ARHGEF16: variants seen among roughly 807,000 people sequenced by gnomAD.
The protein encoded by ARHGEF16 is Rho guanine nucleotide exchange factor 16.
ARHGEF16 carries 59 observed loss-of-function variants against 74.1 expected under a neutral mutation model. The ratio of observed to expected loss-of-function variants is 0.80; its 90% CI spans 0.65 to 0.99. ARHGEF16 has a LOEUF of 0.99. Among genes scored for constraint, ARHGEF16 ranks in the 50% least tolerant of loss-of-function variants. The pLI is 0.00. For synonymous variants in ARHGEF16, 415 were observed against 412.6 expected (o/e 1.01, Z -0.07); for missense variants, 948 against 986.6 (o/e 0.96, Z 0.52).
At chr1:3,462,487 T>G (rs992269873) in intron 1 of ARHGEF16, among the ~76,000 whole-genome samples, 3 of 152,102 alleles carry the variant, frequency 2.0e-5, no homozygotes, top group Non-Finnish European at 4.4e-5. Flanking sequence ...CTGGCTCAGG[T>G]GCCTGGAAGA....
chr1:3,463,525 G>C lies in ARHGEF16; in HGVS notation c.441G>C (p.Arg147=). The change falls in exon 2 of 15, where the codon CGG becomes CGC. Residue 147 remains arginine (R), a synonymous_variant. Transcript: ENST00000378378. ...AGGACCCCGGGGGCATGCTGAGGCG[G>C]AACCTGCGGAACCAATCCTACCGGG... ...VDKDPGGMLR[R]NLRNQSYRAA... 1 of 1,472,856 alleles carries C rather than the reference G, an allele frequency of 6.8e-7. No individual in the cohort carries two copies. The highest frequency in any genetic ancestry group is 9.0e-7 in the Non-Finnish European group (1 of 1,109,288). 91.2% of individuals were successfully genotyped at this position (1,472,856 alleles called of 1,614,324 possible).
At chr1:3,472,337 T>C (rs542776187) in intron 6 of ARHGEF16, among the ~76,000 whole-genome samples, 3 of 152,150 alleles carry the variant, frequency 2.0e-5, no homozygotes, top group Non-Finnish European at 2.9e-5. Context: ...TCTGACCAAG[T>C]GTTAACTCCC....
rs1640040251 is a variant in ARHGEF16 at position 3,480,878 on chromosome 1, C to G, written c.*291C>G. 1 of 502,184 alleles carries G rather than the reference C, an allele frequency of 2.0e-6. No individual in the cohort carries two copies. The highest frequency in any genetic ancestry group is 3.6e-6 in the Non-Finnish European group (1 of 280,724). The allele number at this position is 502,184 out of a possible 1,614,324, so 31.1% of individuals were successfully genotyped here. A position where few individuals can be genotyped will look rare whatever the true frequency, so the allele number is the denominator to read the frequency against. ...TCAGCTGCTGGGCCCCACCTCCCCA[C>G]TGCACCCAGGGGGCAACTCCACCTG... On this transcript the variant is annotated 3_prime_UTR_variant, in exon 15 of 15. Transcript: ENST00000378378.
In ARHGEF16 at chr1:3,477,339, T is replaced by C. The variant is rs367670066; in HGVS notation, c.1474-536T>C. Among the ~76,000 whole-genome samples the C allele has an allele frequency of 0.01, 15 of 1,438 alleles. No individual in the cohort carries two copies. In the South Asian group the frequency reaches 0.15, roughly 14 times the overall value. The allele number at this position is 1,438 out of a possible 152,430, so 0.9% of individuals were successfully genotyped here. A position where few individuals can be genotyped will look rare whatever the true frequency, so the allele number is the denominator to read the frequency against. On this transcript the variant is annotated intron_variant, in intron 10 of 14. Transcript: ENST00000378378. ...ACTACCCACCCCATCACCCCCACAC[T>C]GCCCACCCTCTGGCCTTTGCCATCC... is the stretch of plus-strand genomic sequence containing the variant.
In ARHGEF16 at chr1:3,467,115, C is replaced by G. The variant is rs1023637266; in HGVS notation, c.635-53C>G. ...ACTCAGCTGGCGGGTTGCAGGGAGG[C>G]GCAGCCTTTTGCAATCCCCCAGGGC... On this transcript the variant is annotated intron_variant, in intron 3 of 14. Coordinates refer to ENST00000378378, the MANE Select transcript of ARHGEF16 (RefSeq NM_014448.4). The G allele has an allele frequency of 1.3e-5, 19 of 1,507,802 alleles. No individual in the cohort carries two copies. In the Admixed American group the frequency reaches 3.9e-4, roughly 31 times the overall value. 93.4% of individuals were successfully genotyped at this position (1,507,802 alleles called of 1,614,324 possible).
chr1:3,462,713 T>C lies in ARHGEF16; in HGVS notation c.-19-353T>C, dbSNP rs994138542. ...CCACCTGCCTCCAGGCTCAGGAATG[T>C]GTCCTCAGTGCGTGCTGCCCATCAG... On this transcript the variant is annotated intron_variant, in intron 1 of 14. Transcript: ENST00000378378. Among the ~76,000 whole-genome samples the C allele has an allele frequency of 2.0e-4, 31 of 152,334 alleles. 1 individual carries two copies. The highest frequency in any genetic ancestry group is 7.5e-4 in the African/African-American group (31 of 41,578).
intron 6 of ARHGEF16, among the ~76,000 whole-genome samples, chr1:3,470,221 C>A (rs1362597227): frequency 6.7e-6 from 1 of 149,272 alleles, no homozygotes; most frequent in Non-Finnish European, 1.5e-5. Flanking sequence ...TCGGGAGCAT[C>A]CAGCACCCTG....
chr1:3,463,935 G>A (rs1639473589), intron 2 of ARHGEF16, among the ~76,000 whole-genome samples: 1 of 152,244 alleles, frequency 6.6e-6, no homozygotes, highest in African/African-American at 2.4e-5. Flanking sequence ...TCCCAGCCTT[G>A]GTGGAGGGCA....
At position 3,478,406 on chromosome 1, in the gene ARHGEF16, C is replaced by T. The variant is rs1238044209; in HGVS notation, c.1626-18C>T. 3.8e-6 allele frequency: 6 copies of T among 1,576,248 alleles called. No individual in the cohort carries two copies. Among genetic ancestry groups the T allele is most frequent in the Non-Finnish European group, 5.2e-6 (6 of 1,155,816 alleles). ...GAGCTGGGTGGGACCGTCCCACCGA[C>T]TGCCCGTGTCTCCACAGCGAGGAGA... On this transcript the variant is annotated intron_variant, in intron 11 of 14. Transcript: ENST00000378378.
intron 1 of ARHGEF16, among the ~76,000 whole-genome samples, chr1:3,460,800 C>G (rs1639375495): frequency 6.6e-6 from 1 of 152,158 alleles, no homozygotes; most frequent in African/African-American, 2.4e-5. Flanking sequence ...TTGGAATGTC[C>G]TGAGGAATGT....
chr1:3,469,607 A>G lies in ARHGEF16; in HGVS notation c.1022+14A>G, dbSNP rs746438801. The G allele has an allele frequency of 1.1e-5, 17 of 1,612,234 alleles. No homozygotes were observed. The highest frequency in any genetic ancestry group is 1.4e-5 in the Non-Finnish European group (17 of 1,179,844). ...TGCCAGTCAGAGGTGAGGCCACGCC[A>G]CAGCCTTCCACACAGGGTCCTCTGC... On this transcript the variant is annotated intron_variant, in intron 6 of 14. Transcript: ENST00000378378.
At chr1:3,466,737 G>C (rs531799667) in intron 3 of ARHGEF16, among the ~76,000 whole-genome samples, 12 of 152,320 alleles carry the variant, frequency 7.9e-5, no homozygotes, top group Middle Eastern at 3.4e-3. Flanking sequence ...GAAGCCCGGG[G>C]AGGGCTAAGG....
At chr1:3,472,875 T>TGCCCC in intron 6 of ARHGEF16, 1 of 295,600 alleles carries the variant, frequency 3.4e-6, no homozygotes, top group Non-Finnish European at 6.6e-6. Context: ...TCTGACCACT[T>TGCCCC]CCCACCCGCC....
In ARHGEF16 at chr1:3,464,155, A is replaced by T. The variant is rs577683794; in HGVS notation, c.588+483A>T. Among the ~76,000 whole-genome samples, 3 of 151,938 alleles carry T rather than the reference A, an allele frequency of 2.0e-5. No homozygotes were observed. The East Asian group carries it at 5.8e-4, about 30-fold the overall frequency. Reference sequence around the variant, plus strand: ...GGAGAAGTCTGCACATTCCCTCTGTACACAGAGCCCTGCTTCCCTGCCTGC... The same window carrying T: ...GGAGAAGTCTGCACATTCCCTCTGTTCACAGAGCCCTGCTTCCCTGCCTGC... On this transcript the variant is annotated intron_variant, in intron 2 of 14. Transcript: ENST00000378378.
At chr1:3,465,076 G>T (rs1639504270) in intron 2 of ARHGEF16, among the ~76,000 whole-genome samples, 1 of 152,254 alleles carries the variant, frequency 6.6e-6, no homozygotes, top group African/African-American at 2.4e-5. Flanking sequence ...CTGCACCCCA[G>T]CAGCTGGAAG....
intron 1 of ARHGEF16, among the ~76,000 whole-genome samples, chr1:3,460,934 TGAGCAGGGACA>T (rs113476267): frequency 0.082 from 12,503 of 152,124 alleles, 1,654 homozygotes; most frequent in African/African-American, 0.28. Flanking sequence ...CTCCCGGGGC[TGAGCAGGGACA>T]GAGGGGTGTC....
Position 3,469,450 on chromosome 1 carries a change from C to T in ARHGEF16, c.879C>T (p.Leu293=). 6.2e-7 allele frequency: 1 copy of T among 1,613,026 alleles called. No individual in the cohort carries two copies. Among genetic ancestry groups the T allele is most frequent in the South Asian group, 1.1e-5 (1 of 91,086 alleles). ...CTCCACAGGCCATGTTCGAGATCCT[C>T]ACGTCGGAGTTCTCCTACCAGCACA... The part of the protein sequence containing the change: ...RKRQEAMFEI[L]TSEFSYQHSL... Residue 293 remains leucine (L), a synonymous_variant, in exon 6 of 15, where the codon CTC becomes CTT. Transcript: ENST00000378378.
chr1:3,464,946 G>GGCT (rs1469404547), intron 2 of ARHGEF16, among the ~76,000 whole-genome samples: 1 of 152,218 alleles, frequency 6.6e-6, no homozygotes, highest in Non-Finnish European at 1.5e-5. Flanking sequence ...GGCCGATGGT[G>GGCT]GCTGAGGTGG....
chr1:3,469,058 C>G, intron 5 of ARHGEF16, 122 bp downstream of exon 5: 2 of 1,222,604 alleles, frequency 1.6e-6, no homozygotes, highest in Non-Finnish European at 2.3e-6. Context: ...CAGTGCCAGG[C>G]CCTGTCACGC....
Sources: gnomAD v4.1 joint callset for allele counts (sites outside exome capture counted in the v4.1 genomes callset) on GRCh38, gnomAD v4.1.1 for gene constraint, MANE v1.5 for transcripts, NCBI Gene and HGNC (gene_info 2026-07-23, HGNC 2026-07-21) for gene names.